Variants in FGF1 observed in about 807,000 individuals in gnomAD.
FGF1 encodes the protein beta-endothelial cell growth factor.
Under a neutral mutation model 13.4 loss-of-function variants are expected in FGF1, and 9 were observed. The observed-to-expected ratio is 0.67, with a 90% CI of 0.40 to 1.17. FGF1 has a LOEUF of 1.17. Among genes scored for constraint, FGF1 ranks in the 50% most tolerant of loss-of-function variants. FGF1 has a pLI of 0.01. For synonymous variants in FGF1, 93 were observed against 79.0 expected (o/e 1.18, Z -0.94); for missense variants, 156 against 192.7 (o/e 0.81, Z 1.13).
intron 1 of FGF1, among the ~76,000 whole-genome samples, chr5:142,615,796 C>T (rs1405023192): frequency 2.0e-5 from 3 of 152,200 alleles, no homozygotes; most frequent in African/African-American, 7.2e-5. Flanking sequence ...GAACAGAAAG[C>T]CCCAATTTGC....
chr5:142,596,161 A>C (rs1156536909), intron 3 of FGF1, among the ~76,000 whole-genome samples: 2 of 152,272 alleles, frequency 1.3e-5, no homozygotes, highest in African/African-American at 4.8e-5. Context: ...ACTTATAAAA[A>C]GAATCTTATA....
At chr5:142,683,821 C>CAAAAAAAAAAAAAAA (rs768317949) in intron 1 of FGF1, among the ~76,000 whole-genome samples, 1 of 49,740 alleles carries the variant, frequency 2.0e-5, no homozygotes, top group African/African-American at 8.6e-5. Flanking sequence ...AACTCTGTCT[C>CAAAAAAAAAAAAAAA]AAAAAAAAAA....
chr5:142,599,537 G>A (rs919541929), intron 3 of FGF1, among the ~76,000 whole-genome samples: 4 of 152,166 alleles, frequency 2.6e-5, no homozygotes, highest in Non-Finnish European at 5.9e-5. Flanking sequence ...AAGGGGTGTG[G>A]ATTGGGCTAG....
chr5:142,595,673 G>T (rs920920500), intron 3 of FGF1, among the ~76,000 whole-genome samples, 189 bp from the exon 4 acceptor site: 1 of 152,122 alleles, frequency 6.6e-6, no homozygotes, highest in Admixed American at 6.6e-5. Flanking sequence ...GAACAGCACC[G>T]GGCACTAAAG....
chr5:142,662,674 T>C (rs1345522504), intron 1 of FGF1, among the ~76,000 whole-genome samples: 1 of 152,184 alleles, frequency 6.6e-6, no homozygotes, highest in Non-Finnish European at 1.5e-5. Flanking sequence ...TTCTGCAGCC[T>C]CCTCTGTGTA....
chr5:142,606,218 C>CTGTGTGTG (rs61445131), intron 2 of FGF1, among the ~76,000 whole-genome samples: 21,937 of 142,914 alleles, frequency 0.15, 2,080 homozygotes, highest in East Asian at 0.27. Flanking sequence ...CTTTCTCTCT[C>CTGTGTGTG]TGTGTGTGTG....
intron 1 of FGF1, 133 bp from the exon 2 acceptor site, chr5:142,614,294 C>T (rs1759733051): frequency 1.5e-6 from 1 of 671,982 alleles, no homozygotes; most frequent in Non-Finnish European, 2.5e-6. Context: ...CAGGTGATGC[C>T]CGCAGTCCGC....
intron 1 of FGF1, among the ~76,000 whole-genome samples, chr5:142,629,045 C>T (rs1762905501): frequency 6.6e-6 from 1 of 152,156 alleles, no homozygotes; most frequent in African/African-American, 2.4e-5. Flanking sequence ...ATATTGTACT[C>T]TTGAACCCTC....
intron 1 of FGF1, among the ~76,000 whole-genome samples, chr5:142,679,055 G>A (rs1773201353): frequency 6.6e-6 from 1 of 152,134 alleles, no homozygotes; most frequent in African/African-American, 2.4e-5. Context: ...TGCCCTTCTA[G>A]CCCATCGTTC....
At chr5:142,606,210 T>TTG (rs1161998728) in intron 2 of FGF1, among the ~76,000 whole-genome samples, 1 of 95,770 alleles carries the variant, frequency 1.0e-5, no homozygotes, top group African/African-American at 4.0e-5. Flanking sequence ...GCAACATTCT[T>TTG]TCTCTCTCTG....
chr5:142,611,495 G>A (rs904056778), intron 2 of FGF1, among the ~76,000 whole-genome samples: 3 of 152,184 alleles, frequency 2.0e-5, no homozygotes, highest in Admixed American at 6.5e-5. Context: ...GGGCTGGGGG[G>A]CTTGAAGCTT....
intron 1 of FGF1, among the ~76,000 whole-genome samples, chr5:142,630,114 G>A (rs1221000672): frequency 3.3e-5 from 5 of 151,886 alleles, no homozygotes; most frequent in Non-Finnish European, 5.9e-5. Flanking sequence ...GGATGGTCTC[G>A]ATCTCCTGAT....
chr5:142,619,878 C>T (rs1761167896), intron 1 of FGF1, among the ~76,000 whole-genome samples: 1 of 151,250 alleles, frequency 6.6e-6, no homozygotes, highest in Non-Finnish European at 1.5e-5. Flanking sequence ...CTGTGCTATT[C>T]CAAAATAATC....
At chr5:142,674,552 G>A (rs941166177) in intron 1 of FGF1, among the ~76,000 whole-genome samples, 1 of 152,174 alleles carries the variant, frequency 6.6e-6, no homozygotes, top group Non-Finnish European at 1.5e-5. Context: ...TAAAGAGGCT[G>A]GGGGAGAGAT....
At chr5:142,657,487 G>T (rs1267216536) in intron 1 of FGF1, among the ~76,000 whole-genome samples, 1 of 152,148 alleles carries the variant, frequency 6.6e-6, no homozygotes, top group East Asian at 1.9e-4. Context: ...AAACAACCTT[G>T]GAAAAGCTTG....
intron 1 of FGF1, among the ~76,000 whole-genome samples, chr5:142,684,945 G>A (rs1006036809): frequency 1.3e-5 from 2 of 151,308 alleles, no homozygotes; most frequent in African/African-American, 4.9e-5. Context: ...AGGCAAGCGG[G>A]GGTGGTGGGG....
At chr5:142,649,909 C>T (rs1766909077) in intron 1 of FGF1, among the ~76,000 whole-genome samples, 2 of 152,110 alleles carry the variant, frequency 1.3e-5, no homozygotes, top group Non-Finnish European at 2.9e-5. Flanking sequence ...AAAGTATGAC[C>T]CAAGGAACAA....
At chr5:142,628,216 T>C (rs1221051870) in intron 1 of FGF1, among the ~76,000 whole-genome samples, 1 of 152,178 alleles carries the variant, frequency 6.6e-6, no homozygotes, top group East Asian at 1.9e-4. Context: ...GCAGTCAAGA[T>C]GTCATTTATC....
intron 1 of FGF1, among the ~76,000 whole-genome samples, chr5:142,654,440 T>C (rs1377579079): frequency 6.6e-6 from 1 of 152,240 alleles, no homozygotes; most frequent in East Asian, 1.9e-4. Context: ...CGATAGTTCA[T>C]TGAACTTTGG....
Sources: gnomAD v4.1 joint callset for allele counts (sites outside exome capture counted in the v4.1 genomes callset) on GRCh38, gnomAD v4.1.1 for gene constraint, MANE v1.5 for transcripts, NCBI Gene and HGNC (gene_info 2026-07-23, HGNC 2026-07-21) for gene names.